The following ANK2 variants were observed in gnomAD, a reference collection of about 807,000 sequenced individuals.
ANK2 encodes the protein ankyrin-2.
A neutral mutation model predicts 360.5 loss-of-function variants in ANK2; 83 were observed. The observed-to-expected ratio is 0.23, with a 90% CI of 0.19 to 0.28. The LOEUF (loss-of-function observed/expected upper bound fraction) is 0.28. ANK2 is among the 10% of genes least tolerant of loss of function. The pLI, the probability that ANK2 is intolerant of heterozygous loss-of-function variation, is 1.00. For missense variants in ANK2, 4,201 were observed against 4,795.7 expected (o/e 0.88, Z 3.66); for synonymous variants, 1,740 against 1,759.5 (o/e 0.99, Z 0.28).
chr4:113,106,529 C>G (rs1339793390), intron 1 of ANK2, among the ~76,000 whole-genome samples: 1 of 152,112 alleles, frequency 6.6e-6, no homozygotes, highest in Non-Finnish European at 1.5e-5. Context: ...CATTTAAAGT[C>G]AGCTCTTTTT....
At chr4:113,115,050 G>C (rs563891520) in intron 1 of ANK2, among the ~76,000 whole-genome samples, 2 of 152,284 alleles carry the variant, frequency 1.3e-5, no homozygotes, top group Non-Finnish European at 2.9e-5. Context: ...CTCTAGTCTT[G>C]CTGCTTTCCC....
At chr4:113,312,219 T>C (rs1319272901) in intron 24 of ANK2, among the ~76,000 whole-genome samples, 5 of 151,380 alleles carry the variant, frequency 3.3e-5, no homozygotes, top group African/African-American at 4.9e-5. Flanking sequence ...GGAGGATCCC[T>C]TGAGCCCCAG....
chr4:113,097,233 C>G (rs755571708), intron 1 of ANK2, among the ~76,000 whole-genome samples: 1 of 151,538 alleles, frequency 6.6e-6, no homozygotes, highest in South Asian at 2.1e-4. Flanking sequence ...CAAGTATTCA[C>G]TCCCCTAAAT....
intron 21 of ANK2, chr4:113,293,090 T>C (rs2068701093): frequency 2.6e-6 from 1 of 389,518 alleles, no homozygotes; most frequent in African/African-American, 2.1e-5. Flanking sequence ...GAGGGATAAG[T>C]GTACCTGGTA....
At chr4:113,180,229 C>T (rs572032300) in intron 2 of ANK2, among the ~76,000 whole-genome samples, 1 of 152,292 alleles carries the variant, frequency 6.6e-6, no homozygotes, top group East Asian at 1.9e-4. Context: ...ATGCTGGAAA[C>T]CAAATTCTAG....
intron 23 of ANK2, among the ~76,000 whole-genome samples, chr4:113,306,370 C>G (rs1384443683): frequency 6.6e-6 from 1 of 152,124 alleles, no homozygotes; most frequent in Non-Finnish European, 1.5e-5. Context: ...GAGAGAGACA[C>G]AGAGTGGCAG....
intron 23 of ANK2, among the ~76,000 whole-genome samples, chr4:113,305,477 G>T (rs1268315615): frequency 1.3e-5 from 2 of 151,916 alleles, no homozygotes; most frequent in East Asian, 3.9e-4. Flanking sequence ...GGTTTGTGAA[G>T]AATATTGGTG....
chr4:113,075,271 A>T (rs988343339), intron 1 of ANK2, among the ~76,000 whole-genome samples: 1 of 152,218 alleles, frequency 6.6e-6, no homozygotes, highest in Non-Finnish European at 1.5e-5. Flanking sequence ...GATATGCAAT[A>T]ATCTTTTCTT....
At chr4:113,025,984 A>G (rs935215551) in intron 2 of ANK2, among the ~76,000 whole-genome samples, 1 of 152,244 alleles carries the variant, frequency 6.6e-6, no homozygotes, top group Non-Finnish European at 1.5e-5. Context: ...CAGCAGGTTA[A>G]GTAAATAAAT....
rs534173914 is a variant in ANK2, at chr4:113,190,320, G to T, written c.187-6048G>T. ...GAGACAGGGCTCTCTATGTTGCCAA[G>T]GCTGGTCTTGAACTGCTGGGCTCAA... On this transcript the variant is annotated intron_variant, in intron 2 of 45. Coordinates refer to ENST00000357077, the MANE Select transcript of ANK2 (RefSeq NM_001148.6). Among the ~76,000 whole-genome samples, 221 of 152,128 alleles carry T rather than the reference G, an allele frequency of 1.5e-3. 1 individual carries two copies. The highest frequency in any genetic ancestry group is 2.4e-3 in the Non-Finnish European group (164 of 68,002).
At chr4:113,379,513 T>G (rs1047684726) in intron 45 of ANK2, among the ~76,000 whole-genome samples, 1 of 152,184 alleles carries the variant, frequency 6.6e-6, no homozygotes, top group East Asian at 1.9e-4. Flanking sequence ...TCACGAAATG[T>G]CCTATAATGG....
intron 26 of ANK2, among the ~76,000 whole-genome samples, chr4:113,329,788 G>T (rs770379582): frequency 6.6e-6 from 1 of 152,222 alleles, no homozygotes; most frequent in Non-Finnish European, 1.5e-5. Context: ...GGAACAGGAT[G>T]CAGAAAAACT....
chr4:112,766,557 CCTT>C, the ANK2 span, among the ~76,000 whole-genome samples: 1 of 152,056 alleles, frequency 6.6e-6, no homozygotes, highest in South Asian at 2.1e-4. Context: ...TACTTAATCT[CCTT>C]TAATTTTTTG....
the ANK2 span, among the ~76,000 whole-genome samples, chr4:112,746,358 TAG>T: frequency 6.6e-6 from 1 of 152,088 alleles, no homozygotes; most frequent in African/African-American, 2.4e-5. Context: ...ATTGTGGTGG[TAG>T]AGTTATCTTG....
the ANK2 span, among the ~76,000 whole-genome samples, chr4:112,784,594 C>T: frequency 6.6e-6 from 1 of 152,040 alleles, no homozygotes; most frequent in African/African-American, 2.4e-5. Flanking sequence ...CCGCCCGCCT[C>T]GGCCTCCCAA....
chr4:113,152,437 A>G (rs1562450704), intron 1 of ANK2: 1 of 152,142 alleles, frequency 6.6e-6, no homozygotes, highest in African/African-American at 2.4e-5. Context: ...TTATTATGCC[A>G]CAAGATAGAT....
At chr4:112,958,918 G>T (rs1449127687) in intron 2 of ANK2, among the ~76,000 whole-genome samples, 1 of 151,490 alleles carries the variant, frequency 6.6e-6, no homozygotes, top group East Asian at 1.9e-4. Context: ...GCATGATCTT[G>T]GCTCACTGCA....
At chr4:113,373,822 G>T (rs1439764483) in intron 45 of ANK2, among the ~76,000 whole-genome samples, 3 of 152,134 alleles carry the variant, frequency 2.0e-5, no homozygotes, top group African/African-American at 7.2e-5. Context: ...CTTGTGCCTG[G>T]TTGGCACACC....
chr4:113,323,800 C>T, intron 26 of ANK2: 4 of 1,610,964 alleles, frequency 2.5e-6, no homozygotes, highest in Non-Finnish European at 3.4e-6. Context: ...AGCAGGTGAA[C>T]TACTGCATAA....
Sources: gnomAD v4.1 joint callset for allele counts (sites outside exome capture counted in the v4.1 genomes callset) on GRCh38, gnomAD v4.1.1 for gene constraint, MANE v1.5 for transcripts, NCBI Gene and HGNC (gene_info 2026-07-23, HGNC 2026-07-21) for gene names.